SIVA1: variants seen among roughly 807,000 people sequenced by gnomAD.
SIVA1 encodes apoptosis regulatory protein Siva.
Under a neutral mutation model 19.7 loss-of-function variants are expected in SIVA1, and 10 were observed. That is an observed-to-expected ratio of 0.51 (90% CI 0.31 to 0.86). The LOEUF (loss-of-function observed/expected upper bound fraction) is 0.86, where lower values mean the gene tolerates loss of function less well. SIVA1 is among the 40% of genes least tolerant of loss of function. The pLI, the probability that SIVA1 is intolerant of heterozygous loss-of-function variation, is 0.04. For missense variants in SIVA1, 241 were observed against 245.2 expected (o/e 0.98, Z 0.11); for synonymous variants, 130 against 106.1 (o/e 1.23, Z -1.39).
chr14:104,753,298 C>G lies in SIVA1; in HGVS notation c.97C>G (p.Arg33Gly). ...RELSRGVCAERYSQEVFEKTK... is the reference protein window; with the variant it reads ...RELSRGVCAEGYSQEVFEKTK... ...GTTGAGCCGCGGCGTGTGCGCCGAG[C>G]GCTACTCGCAGGAGGTCTTCGGTGA... Residue 33 changes from arginine (R) to glycine (G), a missense_variant, in exon 1 of 4, where the codon CGC (arginine) becomes GGC (glycine). Arg to Gly is a moderately radical substitution (Grantham distance 125, BLOSUM62 -2). Coordinates refer to ENST00000329967, the MANE Select transcript of SIVA1 (RefSeq NM_006427.4). The G allele has an allele frequency of 1.2e-6, 2 of 1,600,346 alleles. No homozygotes were observed. Among genetic ancestry groups the G allele is most frequent in the Non-Finnish European group, 1.7e-6 (2 of 1,175,290 alleles).
intron 2 of SIVA1, 99 bp downstream of exon 2, chr14:104,755,923 G>T (rs1005328413): frequency 1.0e-5 from 12 of 1,175,736 alleles, no homozygotes; most frequent in Non-Finnish European, 1.5e-5. Context: ...TCCTCCCTGG[G>T]TAAGCAGGAC....
At chr14:104,753,563 G>T (rs1891779452) in intron 1 of SIVA1, among the ~76,000 whole-genome samples, 1 of 152,208 alleles carries the variant, frequency 6.6e-6, no homozygotes, top group Non-Finnish European at 1.5e-5. Flanking sequence ...AAGGGTCCCT[G>T]CCCCTAGCCC....
At chr14:104,753,376 G>A (rs1288623805) in intron 1 of SIVA1, 57 bp downstream of exon 1, 8 of 1,219,932 alleles carry the variant, frequency 6.6e-6, no homozygotes, top group Non-Finnish European at 9.2e-6. Flanking sequence ...AACGGGCCGG[G>A]CCTCAGCGTC....
chr14:104,759,363 G>A lies in SIVA1; in HGVS notation c.471-65G>A, dbSNP rs1244570830. 2.9e-6 allele frequency: 4 copies of A among 1,374,382 alleles called. No individual in the cohort carries two copies. Among genetic ancestry groups the A allele is most frequent in the Non-Finnish European group, 3.1e-6 (3 of 975,884 alleles). The allele number at this position is 1,374,382 out of a possible 1,614,324, so 85.1% of individuals were successfully genotyped here. A position where few individuals can be genotyped will look rare whatever the true frequency, so the allele number is the denominator to read the frequency against. On this transcript the variant is annotated intron_variant, in intron 3 of 3. Coordinates refer to ENST00000329967, the MANE Select transcript of SIVA1 (RefSeq NM_006427.4). The surrounding 1 kb of genome is among the most constrained non-coding windows in gnomAD (Gnocchi z 4.2). ...TAGGACTTTGACGTTTGAATGGTGG[G>A]GGGTGGTGGACACAATTCAGCCCCT...
At position 104,756,635 on chromosome 14, in the gene SIVA1, C is replaced by T. The variant is rs1208025591; in HGVS notation, c.345C>T (p.Ser115=). ...CTGGGGTAGCGTCCATTGCCTGTTC[C>T]TCATGCGTGCGAGCCGTGGATGGGA... ...DPSGVASIAC[S]SCVRAVDGKA... is the part of the protein sequence containing the mutation. The change falls in exon 3 of 4, where the codon TCC becomes TCT. Residue 115 remains serine, a synonymous_variant. Coordinates refer to ENST00000329967, the MANE Select transcript of SIVA1 (RefSeq NM_006427.4). 6.2e-7 allele frequency: 1 copy of T among 1,614,220 alleles called. No homozygotes were observed. Among genetic ancestry groups the T allele is most frequent in the Non-Finnish European group, 8.5e-7 (1 of 1,180,038 alleles).
intron 1 of SIVA1, among the ~76,000 whole-genome samples, chr14:104,754,368 C>T (rs975580868): frequency 1.3e-5 from 2 of 152,130 alleles, no homozygotes; most frequent in African/African-American, 2.4e-5. Context: ...GCTGTGAAAG[C>T]GAGTGCTATT....
chr14:104,756,365 A>G (rs1891888995), intron 2 of SIVA1: 1 of 581,940 alleles, frequency 1.7e-6, no homozygotes, highest in Non-Finnish European at 3.1e-6. Flanking sequence ...CTGGTAAGGG[A>G]AAGAGCACTG....
intron 3 of SIVA1, chr14:104,758,753 G>T (rs1187682745): frequency 1.3e-5 from 2 of 152,412 alleles, no homozygotes; most frequent in East Asian, 3.9e-4. Context: ...GCCTCCCAAA[G>T]TGCTGAGGTA....
Position 104,759,482 on chromosome 14 carries a change from C to G in SIVA1, c.525C>G (p.Thr175=), listed in dbSNP as rs1892014251. The change falls in exon 4 of 4, where the codon ACC becomes ACG. Residue 175 remains threonine (T), a synonymous_variant. Coordinates refer to ENST00000329967, the MANE Select transcript of SIVA1 (RefSeq NM_006427.4). This position sits in a 1 kb window ranked among gnomAD's most constrained non-coding sequence, Gnocchi z 4.2. The stretch of plus-strand genomic sequence containing the variant: ...GCACCAGCTGTGCCATGTTCGAGAC[C>G]TGAGGCTGGCTCAAGCCGGCTGCCT... ...VLCTSCAMFE[T] 6.2e-7 allele frequency: 1 copy of G among 1,610,410 alleles called. No homozygotes were observed. Among genetic ancestry groups the G allele is most frequent in the Non-Finnish European group, 8.5e-7 (1 of 1,179,810 alleles).
chr14:104,755,451 C>T (rs1460145839), intron 1 of SIVA1, among the ~76,000 whole-genome samples, 179 bp from the exon 2 acceptor site: 1 of 152,212 alleles, frequency 6.6e-6, no homozygotes, highest in African/African-American at 2.4e-5. Context: ...CAAGCATTCT[C>T]AGCATAGAGG....
rs1231040315 is a variant in SIVA1 at position 104,756,702 on chromosome 14, T to C, written c.412T>C (p.Cys138Arg). Residue 138 changes from cysteine (C) to arginine (R), a missense_variant, in exon 3 of 4, where the codon TGT becomes CGT. Coordinates refer to ENST00000329967, the MANE Select transcript of SIVA1 (RefSeq NM_006427.4). ...GTGTGAGCGAGCCCTGTGCGGGCAG[T>C]GTGTGCGCACCTGCTGGGGCTGCGG... ...GQCERALCGQ[C>R]VRTCWGCGSV... 6.2e-7 allele frequency: 1 copy of C among 1,614,160 alleles called. No individual in the cohort carries two copies.
chr14:104,756,289 G>A, intron 2 of SIVA1: 1 of 487,420 alleles, frequency 2.1e-6, no homozygotes, highest in Non-Finnish European at 3.7e-6. Context: ...TGGGACACAT[G>A]GAGTTCTGAC....
At position 104,753,172 on chromosome 14, in the gene SIVA1, G is replaced by A. The variant is rs765554077; in HGVS notation, c.-30G>A. ...GTCGTTGGTAAGGGGCTGGCGGCCG[G>A]GGAGCTGCGTAGCTCCCGGCCCCGC... On this transcript the variant is annotated 5_prime_UTR_variant, in exon 1 of 4. Coordinates refer to ENST00000329967, the MANE Select transcript of SIVA1 (RefSeq NM_006427.4). 30 of 1,440,692 alleles carry A rather than the reference G, an allele frequency of 2.1e-5. No homozygotes were observed. Among genetic ancestry groups the A allele is most frequent in the South Asian group, 2.0e-4 (17 of 83,470 alleles). 89.2% of individuals were successfully genotyped at this position (1,440,692 alleles called of 1,614,324 possible). A position where few individuals can be genotyped will look rare whatever the true frequency, so the allele number is the denominator to read the frequency against.
chr14:104,759,341 G>A lies in SIVA1; in HGVS notation c.471-87G>A. On this transcript the variant is annotated intron_variant, in intron 3 of 3. Coordinates refer to ENST00000329967, the MANE Select transcript of SIVA1 (RefSeq NM_006427.4). This position sits in a 1 kb window ranked among gnomAD's most constrained non-coding sequence, Gnocchi z 4.2. ...CATGTCCTGAGGTGTTCTGGGTTAG[G>A]ACTTTGACGTTTGAATGGTGGGGGG... 1.8e-6 allele frequency: 2 copies of A among 1,130,930 alleles called. No individual in the cohort carries two copies. The highest frequency in any genetic ancestry group is 2.6e-6 in the Non-Finnish European group (2 of 767,732). The allele number at this position is 1,130,930 out of a possible 1,614,324, so 70.1% of individuals were successfully genotyped here. A position where few individuals can be genotyped will look rare whatever the true frequency, so the allele number is the denominator to read the frequency against.
chr14:104,757,374 A>G (rs1384669072), intron 3 of SIVA1: 1 of 367,724 alleles, frequency 2.7e-6, no homozygotes, highest in Non-Finnish European at 5.4e-6. Flanking sequence ...AACTGGCTCC[A>G]TAGACCCAAA....
chr14:104,759,386 C>A lies in SIVA1; in HGVS notation c.471-42C>A. 6.3e-7 allele frequency: 1 copy of A among 1,582,132 alleles called. No individual in the cohort carries two copies. The highest frequency in any genetic ancestry group is 8.6e-7 in the Non-Finnish European group (1 of 1,156,096). On this transcript the variant is annotated intron_variant, in intron 3 of 3. Transcript: ENST00000329967. The surrounding 1 kb of genome is among the most constrained non-coding windows in gnomAD (Gnocchi z 4.2). ...GGGGGGTGGTGGACACAATTCAGCC[C>A]CTGACAGCAGCTTTTCTCTCCCCTC...
intron 3 of SIVA1, chr14:104,757,507 G>A (rs1055631059): frequency 2.2e-5 from 4 of 180,694 alleles, no homozygotes; most frequent in South Asian, 8.1e-5. Context: ...CATTGGAGAC[G>A]GAGAGCCCTG....
chr14:104,753,612 G>A, intron 1 of SIVA1: 1 of 477,884 alleles, frequency 2.1e-6, no homozygotes, highest in Non-Finnish European at 3.9e-6. Context: ...TCGCCGCCCT[G>A]CAGTGAGCGG....
In SIVA1 at chr14:104,756,455, C is replaced by T. The variant is rs115446561; in HGVS notation, c.314-149C>T. On this transcript the variant is annotated intron_variant, in intron 2 of 3. Transcript: ENST00000329967. The stretch of plus-strand genomic sequence containing the variant: ...GGTCCTGTGCACTGTACCAGGCTCA[C>T]GGGTTGTCAGAAGGATCCAGTGTAG... 1,093 of 805,572 alleles carry T rather than the reference C, an allele frequency of 1.4e-3. 9 individuals are homozygous for T. In the African/African-American group the frequency reaches 0.016, roughly 12 times the overall value. 49.9% of individuals were successfully genotyped at this position (805,572 alleles called of 1,614,324 possible).
Sources: gnomAD v4.1 joint callset for allele counts (sites outside exome capture counted in the v4.1 genomes callset) on GRCh38, gnomAD v4.1.1 for gene constraint, Gnocchi (gnomAD v3.1) non-coding constraint, MANE v1.5 for transcripts, NCBI Gene and HGNC (gene_info 2026-07-23, HGNC 2026-07-21) for gene names.